CDH12: variants seen among roughly 807,000 people sequenced by gnomAD.
CDH12 encodes the protein cadherin 12.
Under a neutral mutation model 74.1 loss-of-function variants are expected in CDH12, and 41 were observed. The ratio of observed to expected loss-of-function variants is 0.55; its 90% CI spans 0.43 to 0.72. The LOEUF is 0.72. CDH12 is among the 30% of genes least tolerant of loss of function. The pLI is 0.00. For missense variants in CDH12, 945 were observed against 977.2 expected (o/e 0.97, Z 0.44); for synonymous variants, 399 against 355.0 (o/e 1.12, Z -1.39).
At chr5:21,870,335 A>G (rs1193807894) in intron 6 of CDH12, among the ~76,000 whole-genome samples, 25 of 152,126 alleles carry the variant, frequency 1.6e-4, no homozygotes, top group Admixed American at 1.6e-3. Context: ...GAGTCAGTGG[A>G]CTGAGTGAGG....
intron 5 of CDH12, among the ~76,000 whole-genome samples, chr5:21,977,789 T>C (rs1269428473): frequency 6.6e-6 from 1 of 152,038 alleles, no homozygotes; most frequent in Non-Finnish European, 1.5e-5. Context: ...CAGAAAAAAA[T>C]ATGGGAAAAT....
intron 3 of CDH12, among the ~76,000 whole-genome samples, chr5:22,285,231 T>C (rs540898286): frequency 6.6e-6 from 1 of 152,256 alleles, no homozygotes; most frequent in African/African-American, 2.4e-5. Flanking sequence ...ATTTAAAACA[T>C]TTTAAAATAA....
chr5:22,835,671 A>G (rs2126510129), intron 1 of CDH12, among the ~76,000 whole-genome samples: 1 of 152,300 alleles, frequency 6.6e-6, no homozygotes, highest in South Asian at 2.1e-4. Flanking sequence ...ACTCAGCATT[A>G]GAATCCTCCA....
chr5:22,256,369 T>G lies in CDH12; in HGVS notation c.-332-43726A>C, dbSNP rs368436878. Among the ~76,000 whole-genome samples, 23 of 152,278 alleles carry G rather than the reference T, an allele frequency of 1.5e-4. No individual in the cohort carries two copies. The East Asian group carries it at 4.2e-3, about 28-fold the overall frequency. ...CACCTTAACATCACAATGCAATGCA[T>G]TACTCACGTCTGTGGTGACGCTGGT... is the stretch of plus-strand genomic sequence containing the variant. On this transcript the variant is annotated intron_variant, in intron 3 of 14. Coordinates refer to ENST00000382254, the MANE Select transcript of CDH12 (RefSeq NM_004061.5).
intron 3 of CDH12, among the ~76,000 whole-genome samples, chr5:22,293,669 G>T (rs1374753894): frequency 2.0e-5 from 3 of 152,056 alleles, no homozygotes; most frequent in Non-Finnish European, 1.5e-5. Context: ...CCATAAAAAA[G>T]AAAAGAATTC....
At chr5:22,316,146 A>G (rs1486944859) in intron 3 of CDH12, among the ~76,000 whole-genome samples, 1 of 152,136 alleles carries the variant, frequency 6.6e-6, no homozygotes, top group Non-Finnish European at 1.5e-5. Context: ...GAAACGAATG[A>G]CATGAATTAA....
intron 1 of CDH12, among the ~76,000 whole-genome samples, chr5:22,736,597 C>T (rs1368853724): frequency 2.0e-5 from 3 of 150,760 alleles, no homozygotes; most frequent in Non-Finnish European, 3.0e-5. Context: ...TTGAGGGATA[C>T]GTTTTCAAAA....
At chr5:21,847,701 T>C (rs1750250145) in intron 7 of CDH12, among the ~76,000 whole-genome samples, 1 of 152,110 alleles carries the variant, frequency 6.6e-6, no homozygotes, top group Non-Finnish European at 1.5e-5. Flanking sequence ...TAATTCTTCT[T>C]TGCCATGTAA....
intron 2 of CDH12, among the ~76,000 whole-genome samples, chr5:22,450,831 C>A (rs1388269148): frequency 2.0e-5 from 3 of 151,314 alleles, no homozygotes; most frequent in East Asian, 3.9e-4. Flanking sequence ...GAGTTCCCTG[C>A]CAAAATTCTC....
At chr5:22,080,438 AT>A (rs1164867805) in intron 4 of CDH12, among the ~76,000 whole-genome samples, 2 of 152,112 alleles carry the variant, frequency 1.3e-5, no homozygotes, top group Non-Finnish European at 2.9e-5. Context: ...CCGGATATAA[AT>A]TTTTTTCTTC....
chr5:21,834,449 A>G (rs1392884412), intron 8 of CDH12, among the ~76,000 whole-genome samples: 1 of 151,886 alleles, frequency 6.6e-6, no homozygotes, highest in Admixed American at 6.6e-5. Flanking sequence ...CTCTTCCTAC[A>G]TGGGAGATAT....
At chr5:22,415,227 GTT>G (rs1007018520) in intron 2 of CDH12, among the ~76,000 whole-genome samples, 1 of 94,534 alleles carries the variant, frequency 1.1e-5, no homozygotes, top group Non-Finnish European at 2.1e-5. Flanking sequence ...TTGACACAAT[GTT>G]TTTTTTTGAA....
intron 1 of CDH12, among the ~76,000 whole-genome samples, chr5:22,801,025 G>A: frequency 6.6e-6 from 1 of 152,246 alleles, no homozygotes; most frequent in South Asian, 2.1e-4. Flanking sequence ...TGCTCGTTCT[G>A]TGAACATAAG....
chr5:21,876,087 G>A (rs1167148602), intron 6 of CDH12, among the ~76,000 whole-genome samples: 1 of 151,910 alleles, frequency 6.6e-6, no homozygotes, highest in African/African-American at 2.4e-5. Context: ...GTAGAGACAG[G>A]ATTTCACCAT....
At chr5:22,279,401 G>C (rs1184505105) in intron 3 of CDH12, among the ~76,000 whole-genome samples, 1 of 152,106 alleles carries the variant, frequency 6.6e-6, no homozygotes, top group African/African-American at 2.4e-5. Context: ...TATACTTTAA[G>C]TTTTAGGGTA....
chr5:22,176,676 A>G (rs1408776612), intron 4 of CDH12, among the ~76,000 whole-genome samples: 1 of 151,968 alleles, frequency 6.6e-6, no homozygotes, highest in Non-Finnish European at 1.5e-5. Flanking sequence ...CTGCCACCCT[A>G]TCTTGTCTCT....
intron 2 of CDH12, among the ~76,000 whole-genome samples, chr5:22,481,009 G>C (rs1305146641): frequency 2.0e-5 from 3 of 151,954 alleles, no homozygotes; most frequent in African/African-American, 7.3e-5. Flanking sequence ...AGTCTTTGTG[G>C]GTTATTGACT....
chr5:22,002,817 A>G (rs1487416647), intron 5 of CDH12, among the ~76,000 whole-genome samples: 1 of 152,122 alleles, frequency 6.6e-6, no homozygotes. Flanking sequence ...AAAAATCAAT[A>G]TAACGAACAT....
chr5:22,519,420 C>T (rs10058033), intron 1 of CDH12, among the ~76,000 whole-genome samples: 24,073 of 150,016 alleles, frequency 0.16, 2,507 homozygotes, highest in East Asian at 0.36. Flanking sequence ...TCCGTATCCA[C>T]ACTCTTTTTT....
Sources: allele counts gnomAD v4.1 joint callset (sites outside exome capture counted in the v4.1 genomes callset), GRCh38; gene constraint gnomAD v4.1.1; transcripts MANE v1.5; gene names NCBI Gene and HGNC (gene_info 2026-07-23, HGNC 2026-07-21).